CHODL: variants seen among roughly 807,000 people sequenced by gnomAD.
The protein encoded by CHODL is transmembrane protein MT75.
In CHODL, 29 loss-of-function variants were observed where a neutral mutation model predicts 34.5. The ratio of observed to expected loss-of-function variants is 0.84; its 90% confidence interval spans 0.63 to 1.15. The LOEUF (loss-of-function observed/expected upper bound fraction) is 1.15. Among genes scored for constraint, CHODL ranks in the 50% most tolerant of loss-of-function variants. The pLI, the probability that CHODL is intolerant of heterozygous loss-of-function variation, is 0.00. For synonymous variants in CHODL, 125 were observed against 116.1 expected, an observed-to-expected ratio of 1.08 and a Z score of -0.49; for missense variants, 332 against 332.5, an observed-to-expected ratio of 1.00 and a Z score of 0.01.
At chr21:17,928,525 T>C (rs1254402828) in intron 1 of CHODL, among the ~76,000 whole-genome samples, 1 of 152,158 alleles carries the variant, frequency 6.6e-6, no homozygotes, top group Admixed American at 6.5e-5. Context: ...TAAGAAGTGC[T>C]GAGCATGGTA....
intron 2 of CHODL, among the ~76,000 whole-genome samples, chr21:18,109,829 C>G (rs2065325227): frequency 6.6e-6 from 1 of 151,996 alleles, no homozygotes; most frequent in Non-Finnish European, 1.5e-5. Context: ...GACAGAGTAC[C>G]TGGAAAGAGC....
chr21:18,101,411 A>G lies in CHODL; in HGVS notation c.-45+73440A>G, dbSNP rs183103728. Among the ~76,000 whole-genome samples the G allele has an allele frequency of 1.2e-3, 179 of 152,234 alleles. 1 individual carries two copies. The highest frequency in any genetic ancestry group is 4.2e-3 in the African/African-American group (174 of 41,556). On this transcript the variant is annotated intron_variant, in intron 2 of 6. Coordinates refer to the CHODL transcript ENST00000400127. ...TATTGCAGTTTTAAAGGTGTGCTTTATTTCTTAATTAGAATCCCTGTGGTG... is the reference window on the plus strand; with the variant it reads ...TATTGCAGTTTTAAAGGTGTGCTTTGTTTCTTAATTAGAATCCCTGTGGTG...
chr21:18,071,207 G>A (rs2064800953), intron 2 of CHODL, among the ~76,000 whole-genome samples: 2 of 143,124 alleles, frequency 1.4e-5, no homozygotes, highest in Admixed American at 7.3e-5. Context: ...GAGTACAATG[G>A]TGCAGTGCAG....
intron 1 of CHODL, among the ~76,000 whole-genome samples, chr21:17,972,081 T>A (rs535852277): frequency 6.6e-6 from 1 of 152,284 alleles, no homozygotes; most frequent in East Asian, 1.9e-4. Context: ...TCTCAATAGA[T>A]GCAGAAAAAT....
At chr21:18,147,085 A>G (rs2072899815) in intron 2 of CHODL, among the ~76,000 whole-genome samples, 1 of 152,132 alleles carries the variant, frequency 6.6e-6, no homozygotes, top group Non-Finnish European at 1.5e-5. Flanking sequence ...GAGTCTTAAT[A>G]TTTTTTAAAT....
Position 18,065,872 on chromosome 21 carries a change from G to A in CHODL, c.-45+37901G>A, listed in dbSNP as rs148181255. Among the ~76,000 whole-genome samples the A allele has an allele frequency of 2.2e-4, 34 of 152,318 alleles. No homozygotes were observed. In the East Asian group the frequency reaches 6.0e-3, roughly 27 times the overall value. ...AAAAAATGCTTTTAACAGGAATGCT[G>A]TGATGGCACATTTGAGAAGGAGGAA... On this transcript the variant is annotated intron_variant, in intron 2 of 6. Transcript: ENST00000400127.
chr21:18,166,702 C>G (rs1252483515), intron 2 of CHODL, among the ~76,000 whole-genome samples: 1 of 151,854 alleles, frequency 6.6e-6, no homozygotes, highest in African/African-American at 2.4e-5. Context: ...CAAATTTTAT[C>G]AACTTGATAT....
At chr21:18,151,642 G>A (rs1418738198) in intron 2 of CHODL, among the ~76,000 whole-genome samples, 3 of 152,168 alleles carry the variant, frequency 2.0e-5, no homozygotes, top group Non-Finnish European at 4.4e-5. Context: ...AACTGATATC[G>A]GCAGACGGGG....
chr21:17,960,453 C>A (rs994439679), intron 1 of CHODL, among the ~76,000 whole-genome samples: 3 of 152,190 alleles, frequency 2.0e-5, no homozygotes, highest in African/African-American at 7.2e-5. Flanking sequence ...AATTCAATAA[C>A]ATGTCCCTAA....
chr21:18,168,450 T>C (rs1171147807), intron 2 of CHODL, among the ~76,000 whole-genome samples: 2 of 152,192 alleles, frequency 1.3e-5, no homozygotes, highest in African/African-American at 4.8e-5. Context: ...TGTCTGTCTT[T>C]TTTGTTTTAG....
At chr21:18,251,696 T>TAAAA in intron 1 of CHODL, among the ~76,000 whole-genome samples, 6 of 110,000 alleles carry the variant, frequency 5.5e-5, no homozygotes, top group African/African-American at 2.0e-4. Flanking sequence ...AATAAATATT[T>TAAAA]TATTTATTTA....
rs1486029047 is a variant in CHODL at position 17,949,635 on chromosome 21, GT to G, written c.-145+32236del. 3.9e-5 allele frequency among the ~76,000 whole-genome samples: 6 copies of G among 152,278 alleles called. No individual in the cohort carries two copies. In the East Asian group the frequency reaches 9.6e-4, roughly 24 times the overall value. On this transcript the variant is annotated intron_variant, in intron 1 of 6. Coordinates refer to the CHODL transcript ENST00000400127. The stretch of plus-strand genomic sequence containing the variant: ...CCTGGAATGAGAGAGACCATGCTCA[GT>G]ACTGACCTATCTCCTCTGATCTTTA...
rs61053524 is a variant in CHODL at position 18,045,249 on chromosome 21, G to A, written c.-45+17278G>A. Among the ~76,000 whole-genome samples the A allele has an allele frequency of 5.5e-3, 842 of 152,046 alleles. 10 individuals are homozygous for A. Among genetic ancestry groups the A allele is most frequent in the African/African-American group, 0.019 (801 of 41,520 alleles). On this transcript the variant is annotated intron_variant, in intron 2 of 6. Coordinates refer to the CHODL transcript ENST00000400127. Reference sequence around the variant, plus strand: ...ATACCCTGAGTGTGGTGAGTTGAATGATGGCCTCCAAAAAGATATAAACAT... The same window carrying A: ...ATACCCTGAGTGTGGTGAGTTGAATAATGGCCTCCAAAAAGATATAAACAT...
intron 1 of CHODL, among the ~76,000 whole-genome samples, chr21:17,982,322 C>T (rs1275257485): frequency 6.6e-6 from 1 of 152,094 alleles, no homozygotes; most frequent in East Asian, 1.9e-4. Flanking sequence ...TTACTTGGGT[C>T]CTGCAGGTGT....
chr21:18,065,019 T>A (rs1413228573), intron 2 of CHODL, among the ~76,000 whole-genome samples: 1 of 152,196 alleles, frequency 6.6e-6, no homozygotes, highest in Non-Finnish European at 1.5e-5. Context: ...CAGACTCCAA[T>A]CATGCTTCTG....
chr21:18,253,892 A>G (rs545987498), intron 1 of CHODL, among the ~76,000 whole-genome samples: 12 of 152,286 alleles, frequency 7.9e-5, no homozygotes, highest in Admixed American at 7.2e-4. Flanking sequence ...CAGAGGGAAC[A>G]ACTCTTGGCT....
chr21:18,020,534 G>A (rs2064118478), intron 1 of CHODL, among the ~76,000 whole-genome samples: 1 of 152,056 alleles, frequency 6.6e-6, no homozygotes, highest in Non-Finnish European at 1.5e-5. Flanking sequence ...GCCTAATTTT[G>A]AGAGATGAAA....
chr21:18,018,577 T>C (rs1285543170), intron 1 of CHODL, among the ~76,000 whole-genome samples: 1 of 152,170 alleles, frequency 6.6e-6, no homozygotes, highest in Non-Finnish European at 1.5e-5. Flanking sequence ...TCCTGAGGTC[T>C]CCCCATAAGC....
chr21:18,069,080 C>T (rs1317976349), intron 2 of CHODL, among the ~76,000 whole-genome samples: 2 of 151,998 alleles, frequency 1.3e-5, no homozygotes, highest in African/African-American at 4.8e-5. Context: ...TTTTTTATCT[C>T]AATTTTATTA....
Sources: gnomAD v4.1 joint callset for allele counts (sites outside exome capture counted in the v4.1 genomes callset) on GRCh38, gnomAD v4.1.1 for gene constraint, MANE v1.5 for transcripts, NCBI Gene and HGNC (gene_info 2026-07-23, HGNC 2026-07-21) for gene names.